LMNA: variants seen among roughly 807,000 people sequenced by gnomAD.
The protein encoded by LMNA is lamin.
In LMNA, 20 loss-of-function variants were observed where a neutral mutation model predicts 70.4. The observed-to-expected ratio is 0.28, with a 90% CI of 0.20 to 0.41. The LOEUF (loss-of-function observed/expected upper bound fraction) is 0.41. Among genes scored for constraint, LMNA ranks in the 10% least tolerant of loss-of-function variants. The pLI is 1.00. For synonymous variants in LMNA, 339 were observed against 372.8 expected, an observed-to-expected ratio of 0.91 and a Z score of 1.04; for missense variants, 652 against 917.2, an observed-to-expected ratio of 0.71 and a Z score of 3.73.
intron 1 of LMNA, among the ~76,000 whole-genome samples, chr1:156,124,667 C>T (rs1163299463): frequency 1.3e-5 from 2 of 152,136 alleles, no homozygotes; most frequent in African/African-American, 4.8e-5. Context: ...CACATCCTGC[C>T]CTTACCCGAG....
rs1485895618 is a variant in LMNA at position 156,135,832 on chromosome 1, G to A, written c.937-69G>A. The A allele has an allele frequency of 1.7e-5, 23 of 1,376,760 alleles. No individual in the cohort carries two copies. Among genetic ancestry groups the A allele is most frequent in the Admixed American group, 3.6e-5 (2 of 55,526 alleles). 85.3% of individuals were successfully genotyped at this position (1,376,760 alleles called of 1,614,324 possible). The stretch of plus-strand genomic sequence containing the variant: ...AGAGTAGCCAGGTGTCTCCTACACC[G>A]ACCCACGTCCCTCCTTCCCCATACT... On this transcript the variant is annotated intron_variant, in intron 5 of 11. Transcript: ENST00000368300. This position sits in a 1 kb window ranked among gnomAD's most constrained non-coding sequence, Gnocchi z 4.8.
At chr1:156,126,919 A>G (rs1459434458) in intron 1 of LMNA, 44 of 1,596,750 alleles carry the variant, frequency 2.8e-5, no homozygotes, top group Non-Finnish European at 3.8e-5. Context: ...CTCCCCTGTG[A>G]GCACTAGAGG....
Position 156,138,474 on chromosome 1 carries a change from G to T in LMNA, c.1699-14G>T, listed in dbSNP as rs1280282471. Reference sequence around the variant, plus strand: ...AGACTCGCCGTCCCGCCTGAGCCTTGTCTCCCTTCCCAGGGCTCCCACTGC... The same window carrying T: ...AGACTCGCCGTCCCGCCTGAGCCTTTTCTCCCTTCCCAGGGCTCCCACTGC... On this transcript the variant is annotated splice_polypyrimidine_tract_variant and intron_variant, in intron 10 of 11. Coordinates refer to ENST00000368300, the MANE Select transcript of LMNA (RefSeq NM_170707.4). The surrounding 1 kb of genome is among the most constrained non-coding windows in gnomAD (Gnocchi z 5.5). 6.2e-7 allele frequency: 1 copy of T among 1,610,920 alleles called. No homozygotes were observed. Among genetic ancestry groups the T allele is most frequent in the Non-Finnish European group, 8.5e-7 (1 of 1,179,446 alleles).
chr1:156,084,318 C>G (rs1648388026), intron 2 of LMNA, among the ~76,000 whole-genome samples: 1 of 30,104 alleles, frequency 3.3e-5, no homozygotes, highest in African/African-American at 1.2e-4. Flanking sequence ...AGCTGAGGAT[C>G]TCAGAAGGTC....
chr1:156,100,704 G>A (rs1434927227), intron 3 of LMNA, among the ~76,000 whole-genome samples: 1 of 152,064 alleles, frequency 6.6e-6, no homozygotes, highest in African/African-American at 2.4e-5. Context: ...AGAGCACATC[G>A]AGGTTGCTGG....
At position 156,138,578 on chromosome 1, in the gene LMNA, A is replaced by T; in HGVS notation, c.1789A>T (p.Lys597Ter). 2 of 1,612,860 alleles carry T rather than the reference A, an allele frequency of 1.2e-6. No individual in the cohort carries two copies. The highest frequency in any genetic ancestry group is 1.7e-6 in the Non-Finnish European group (2 of 1,179,858). The part of the protein sequence containing the change: ...LCGTCGQPAD[K>*]ASASGSGAQV... ...CGGGACCTGCGGGCAGCCTGCCGAC[A>T]AGGCATCTGCCAGCGGCTCAGGAGC... The change falls in exon 11 of 12, where the codon AAG (lysine) becomes TAG (stop). Residue 597 changes from lysine to a stop codon, truncating the protein, a stop_gained. Transcript: ENST00000368300. LOFTEE classifies it high-confidence loss of function. The surrounding 1 kb of genome is among the most constrained non-coding windows in gnomAD (Gnocchi z 5.5).
chr1:156,117,532 G>C (rs1291337416), intron 1 of LMNA, among the ~76,000 whole-genome samples: 3 of 151,928 alleles, frequency 2.0e-5, no homozygotes, highest in Non-Finnish European at 4.4e-5. Context: ...ACTGCGCCTG[G>C]CTTCTTTTTT....
At chr1:156,096,418 G>A (rs1458088671) in intron 3 of LMNA, among the ~76,000 whole-genome samples, 1 of 152,244 alleles carries the variant, frequency 6.6e-6, no homozygotes, top group Admixed American at 6.5e-5. Context: ...TTAGTGGGAA[G>A]AGGCATGTAA....
chr1:156,095,134 G>A (rs938210394), intron 3 of LMNA, among the ~76,000 whole-genome samples: 3 of 152,010 alleles, frequency 2.0e-5, no homozygotes, highest in Non-Finnish European at 4.4e-5. Flanking sequence ...GCACCATGTT[G>A]GCCAGGCTGG....
At chr1:156,097,952 C>CAT (rs1649001182) in intron 3 of LMNA, among the ~76,000 whole-genome samples, 2 of 151,020 alleles carry the variant, frequency 1.3e-5, no homozygotes, top group African/African-American at 4.9e-5. Flanking sequence ...TGTGTGCGTG[C>CAT]GTGTGTGTGT....
chr1:156,139,171 CCCCTG>C lies in LMNA; in HGVS notation c.*72_*76del. 1 of 1,611,964 alleles carries C rather than the reference CCCCTG, an allele frequency of 6.2e-7. No individual in the cohort carries two copies. ...TGCGTCCTCCTCACCTCATGCCCAC[CCCCTG>C]CCCTGCACGTCATGGGAGGGGGCTT... is the stretch of plus-strand genomic sequence containing the variant. On this transcript the variant is annotated 3_prime_UTR_variant, in exon 12 of 12. Coordinates refer to ENST00000368300, the MANE Select transcript of LMNA (RefSeq NM_170707.4).
chr1:156,082,895 T>A (rs1253913204), intron 1 of LMNA: 1 of 151,804 alleles, frequency 6.6e-6, no homozygotes, highest in Non-Finnish European at 1.5e-5. Context: ...CTCGCTCCCC[T>A]CTCCCCGCTC....
chr1:156,114,383 C>T (rs765053834), upstream of LMNA, among the ~76,000 whole-genome samples: 2 of 152,204 alleles, frequency 1.3e-5, no homozygotes, highest in African/African-American at 2.4e-5. Flanking sequence ...CGCCCACTTC[C>T]CTCTCTTTCT....
intron 2 of LMNA, among the ~76,000 whole-genome samples, chr1:156,089,484 C>T (rs1444807342): frequency 2.6e-5 from 4 of 151,024 alleles, no homozygotes; most frequent in South Asian, 2.1e-4. Context: ...TTAGTAGAGA[C>T]GGGGTTTTAC....
rs367902421 is a variant in LMNA at position 156,137,616 on chromosome 1, G to C, written c.1609-38G>C. The stretch of plus-strand genomic sequence containing the variant: ...TAGACATGCTGTACAACCCTTCCCT[G>C]GCCCTGACCCTTGGACCTGGTTCCA... On this transcript the variant is annotated intron_variant, in intron 9 of 11. Coordinates refer to ENST00000368300, the MANE Select transcript of LMNA (RefSeq NM_170707.4). This position sits in a 1 kb window ranked among gnomAD's most constrained non-coding sequence, Gnocchi z 4.6. 5 of 1,535,164 alleles carry C rather than the reference G, an allele frequency of 3.3e-6. No individual in the cohort carries two copies. The highest frequency in any genetic ancestry group is 4.4e-6 in the Non-Finnish European group (5 of 1,132,776).
chr1:156,136,899 C>T lies in LMNA; in HGVS notation c.1381-22C>T. On this transcript the variant is annotated intron_variant, in intron 7 of 11. Transcript: ENST00000368300. The surrounding 1 kb of genome is among the most constrained non-coding windows in gnomAD (Gnocchi z 6.1). ...GCCTGGGTGAGCCTCCCCGACCTTC[C>T]TCTTCCCTATCTTCCCGGCAGGACC... 6.2e-7 allele frequency: 1 copy of T among 1,607,296 alleles called. No homozygotes were observed. Among genetic ancestry groups the T allele is most frequent in the Non-Finnish European group, 8.5e-7 (1 of 1,175,738 alleles).
chr1:156,089,783 C>A (rs1436966061), intron 2 of LMNA, among the ~76,000 whole-genome samples: 2 of 152,180 alleles, frequency 1.3e-5, no homozygotes, highest in Non-Finnish European at 2.9e-5. Context: ...ACTGGCACTT[C>A]CTCTGCCAGG....
intron 1 of LMNA, among the ~76,000 whole-genome samples, chr1:156,124,611 T>A (rs1650425928): frequency 1.3e-5 from 2 of 152,164 alleles, no homozygotes; most frequent in South Asian, 4.1e-4. Context: ...TAAGGTCTCC[T>A]TTCCAGAGAG....
At chr1:156,085,939 G>A (rs911348576) in intron 2 of LMNA, among the ~76,000 whole-genome samples, 2 of 152,132 alleles carry the variant, frequency 1.3e-5, no homozygotes, top group South Asian at 2.1e-4. Context: ...ACCTGTAATC[G>A]CAGCTACTTG....
Sources: gnomAD v4.1 joint callset for allele counts (sites outside exome capture counted in the v4.1 genomes callset) on GRCh38, gnomAD v4.1.1 for gene constraint, Gnocchi (gnomAD v3.1) non-coding constraint, MANE v1.5 for transcripts, NCBI Gene and HGNC (gene_info 2026-07-23, HGNC 2026-07-21) for gene names.